WWP2: variants seen among roughly 807,000 people sequenced by gnomAD.
WWP2 encodes the protein WW domain containing E3 ubiquitin protein ligase 2.
A neutral mutation model predicts 121.0 loss-of-function variants in WWP2; 57 were observed. The ratio of observed to expected loss-of-function variants is 0.47; its 90% CI spans 0.38 to 0.59. WWP2 has a LOEUF of 0.59. Ranked by LOEUF, WWP2 falls within the 20% of genes least tolerant of loss-of-function variation. WWP2 has a pLI of 0.00. For synonymous variants in WWP2, 449 were observed against 441.3 expected (o/e 1.02, Z -0.22); for missense variants, 962 against 1,158.9 (o/e 0.83, Z 2.47).
intron 5 of WWP2, among the ~76,000 whole-genome samples, chr16:69,841,456 G>A (rs1215622463): frequency 6.6e-6 from 1 of 152,068 alleles, no homozygotes; most frequent in Non-Finnish European, 1.5e-5. Flanking sequence ...CAGTCAGCGT[G>A]GTTGGATTAT....
intron 7 of WWP2, among the ~76,000 whole-genome samples, chr16:69,872,719 CT>C (rs2057663059): frequency 6.6e-6 from 1 of 152,200 alleles, no homozygotes; most frequent in Non-Finnish European, 1.5e-5. Flanking sequence ...CAGGTAACTA[CT>C]TGGGGGTGTG....
intron 7 of WWP2, among the ~76,000 whole-genome samples, chr16:69,874,990 C>T (rs968634886): frequency 1.3e-5 from 2 of 150,312 alleles, no homozygotes; most frequent in Non-Finnish European, 2.9e-5. Flanking sequence ...CCACTACACT[C>T]CAGCCTGGGC....
At position 69,940,963 on chromosome 16, in the gene WWP2, CAG is replaced by C. The variant is rs913755601; in HGVS notation, c.*1024_*1025del. ...CCAGGCAGTCCCCAGTGGCGGGACA[CAG>C]GGGTCCGGCTGTGGAGCTCCCCTGC... is the stretch of plus-strand genomic sequence containing the variant. On this transcript the variant is annotated 3_prime_UTR_variant, in exon 24 of 24. Coordinates refer to ENST00000359154, the MANE Select transcript of WWP2 (RefSeq NM_001270454.2). The C allele has an allele frequency of 6.5e-6, 1 of 152,996 alleles. No individual in the cohort carries two copies. Among genetic ancestry groups the C allele is most frequent in the African/African-American group, 2.4e-5 (1 of 41,336 alleles). The allele number at this position is 152,996 out of a possible 1,614,324, so 9.5% of individuals were successfully genotyped here. A position where few individuals can be genotyped will look rare whatever the true frequency, so the allele number is the denominator to read the frequency against.
intron 6 of WWP2, among the ~76,000 whole-genome samples, chr16:69,858,515 C>T (rs946573612): frequency 3.3e-5 from 5 of 152,118 alleles, no homozygotes; most frequent in African/African-American, 1.2e-4. Context: ...AGAGGGGGCG[C>T]CCTTTATCAC....
chr16:69,886,319 C>T (rs868742001), intron 7 of WWP2, among the ~76,000 whole-genome samples: 1 of 152,202 alleles, frequency 6.6e-6, no homozygotes, highest in Non-Finnish European at 1.5e-5. Flanking sequence ...TCAAGCAATC[C>T]TCCTGCTTCA....
intron 6 of WWP2, among the ~76,000 whole-genome samples, chr16:69,870,920 C>A (rs953572161): frequency 1.3e-5 from 2 of 152,148 alleles, no homozygotes; most frequent in African/African-American, 4.8e-5. Flanking sequence ...TGCTAAATTC[C>A]ACACTTTTCT....
chr16:69,930,045 A>G, intron 12 of WWP2, 85 bp from the exon 13 acceptor site: 1 of 1,592,690 alleles, frequency 6.3e-7, no homozygotes, highest in Admixed American at 1.8e-5. Context: ...GCAGAGACAA[A>G]GCCACACTTT....
intron 4 of WWP2, among the ~76,000 whole-genome samples, chr16:69,835,763 G>A (rs545835173): frequency 2.2e-4 from 34 of 151,550 alleles, no homozygotes; most frequent in African/African-American, 6.5e-4. Context: ...CTACTCTTGC[G>A]TCTCCCAAGA....
chr16:69,785,404 G>A (rs2055764705), intron 1 of WWP2, among the ~76,000 whole-genome samples: 1 of 152,148 alleles, frequency 6.6e-6, no homozygotes, highest in Admixed American at 6.6e-5. Flanking sequence ...TGTCTGATGA[G>A]ATCAGTGGTG....
intron 6 of WWP2, among the ~76,000 whole-genome samples, chr16:69,868,887 T>C (rs1287184923): frequency 6.6e-6 from 1 of 152,162 alleles, no homozygotes; most frequent in African/African-American, 2.4e-5. Flanking sequence ...GGTTGACAGC[T>C]TTTTGTTGTT....
chr16:69,824,775 T>C (rs1187726132), intron 4 of WWP2, among the ~76,000 whole-genome samples: 1 of 143,950 alleles, frequency 6.9e-6, no homozygotes, highest in East Asian at 2.0e-4. Context: ...GGCTTTTTTT[T>C]TTTTTTTTTT....
intron 2 of WWP2, among the ~76,000 whole-genome samples, chr16:69,791,232 C>CTTTCT (rs554235278): frequency 0.017 from 2,435 of 145,376 alleles, 52 homozygotes; most frequent in African/African-American, 0.048. Context: ...TTTTTTCTTT[C>CTTTCT]TTTTTTTTTT....
At position 69,908,833 on chromosome 16, in the gene WWP2, G is replaced by A. The variant is rs2058338594; in HGVS notation, c.987G>A (p.Glu329=). ...VDHNTKTTTW[E]RPLPPGWEKR... ...ACAATACCAAGACCACCACCTGGGA[G>A]CGGCCCCTTCCTCCAGGGTAGGTCA... is the stretch of plus-strand genomic sequence containing the variant. Residue 329 remains glutamate, a synonymous_variant, in exon 9 of 24, where the codon GAG becomes GAA. Coordinates refer to ENST00000359154, the MANE Select transcript of WWP2 (RefSeq NM_001270454.2). 1 of 1,614,102 alleles carries A rather than the reference G, an allele frequency of 6.2e-7. No homozygotes were observed. Among genetic ancestry groups the A allele is most frequent in the Admixed American group, 1.7e-5 (1 of 59,996 alleles).
chr16:69,795,659 T>G (rs1034728496), intron 2 of WWP2, among the ~76,000 whole-genome samples: 4 of 132,572 alleles, frequency 3.0e-5, no homozygotes, highest in African/African-American at 5.8e-5. Context: ...GTTTTTTTTT[T>G]TTTTTTTTTT....
intron 6 of WWP2, among the ~76,000 whole-genome samples, chr16:69,859,098 C>T (rs1382090794): frequency 2.0e-5 from 3 of 152,254 alleles, no homozygotes; most frequent in Non-Finnish European, 2.9e-5. Context: ...TCACCACAAA[C>T]TCAGGGCTTA....
chr16:69,875,255 C>T (rs891902253), intron 7 of WWP2, among the ~76,000 whole-genome samples: 1 of 152,152 alleles, frequency 6.6e-6, no homozygotes, highest in Non-Finnish European at 1.5e-5. Flanking sequence ...AAAATGTATA[C>T]ACTTTAATTA....
At chr16:69,842,978 T>A (rs986473504) in intron 6 of WWP2, among the ~76,000 whole-genome samples, 7 of 152,156 alleles carry the variant, frequency 4.6e-5, no homozygotes, top group Non-Finnish European at 1.0e-4. Context: ...TTATTTTTTA[T>A]TCTTTTTTAT....
intron 1 of WWP2, among the ~76,000 whole-genome samples, chr16:69,780,453 C>T (rs907234823): frequency 6.6e-6 from 1 of 152,134 alleles, no homozygotes; most frequent in Non-Finnish European, 1.5e-5. Flanking sequence ...TGAACATGGC[C>T]TCTTCTGTGT....
At chr16:69,782,946 C>T (rs2151787835) in intron 1 of WWP2, 1 of 151,756 alleles carries the variant, frequency 6.6e-6, no homozygotes, top group African/African-American at 2.4e-5. Flanking sequence ...GCTGGAATTA[C>T]AGATGTGAGC....
Sources: allele counts gnomAD v4.1 joint callset (sites outside exome capture counted in the v4.1 genomes callset), GRCh38; gene constraint gnomAD v4.1.1; transcripts MANE v1.5; gene names NCBI Gene and HGNC (gene_info 2026-07-23, HGNC 2026-07-21).